SEC14L3: variants seen among roughly 807,000 people sequenced by gnomAD.
SEC14L3 encodes the protein SEC14 like lipid binding 3, also known as SEC14-like protein 3.
SEC14L3 carries 56 observed loss-of-function variants against 57.4 expected under a neutral mutation model. The ratio of observed to expected loss-of-function variants is 0.97; its 90% confidence interval spans 0.79 to 1.22. The LOEUF is 1.22. Ranked by LOEUF, SEC14L3 falls within the 50% of genes most tolerant of loss-of-function variation. SEC14L3 has a pLI of 0.00. For missense variants in SEC14L3, 485 were observed against 511.7 expected (o/e 0.95, Z 0.50); for synonymous variants, 173 against 194.4 (o/e 0.89, Z 0.92).
intron 2 of SEC14L3, 91 bp downstream of exon 2, chr22:30,470,416 G>A: frequency 6.2e-7 from 1 of 1,604,080 alleles, no homozygotes; most frequent in South Asian, 1.1e-5. Flanking sequence ...TGTGTGGATG[G>A]ACCCTGAGAG....
downstream of SEC14L3, among the ~76,000 whole-genome samples, chr22:30,455,113 A>G (rs1935090312): frequency 2.1e-5 from 1 of 48,546 alleles, no homozygotes; most frequent in Non-Finnish European, 3.4e-5. Context: ...TTTAATATTT[A>G]ATATTTAATA....
Position 30,459,667 on chromosome 22 carries a change from C to T in SEC14L3, c.*354G>A. On this transcript the variant is annotated 3_prime_UTR_variant, in exon 12 of 12. Coordinates refer to ENST00000215812, the MANE Select transcript of SEC14L3 (RefSeq NM_174975.5). ...AAAAGGATTTAGATATGTCTCCAAC[C>T]CAAGTTGCTCACAGCCATACGGAAG... 1 of 1,016,356 alleles carries T rather than the reference C, an allele frequency of 9.8e-7. No homozygotes were observed. Among genetic ancestry groups the T allele is most frequent in the Non-Finnish European group, 1.2e-6 (1 of 847,658 alleles). 63.0% of individuals were successfully genotyped at this position (1,016,356 alleles called of 1,614,324 possible). A position where few individuals can be genotyped will look rare whatever the true frequency, so the allele number is the denominator to read the frequency against.
intron 4 of SEC14L3, among the ~76,000 whole-genome samples, chr22:30,469,792 A>AT (rs1935541435): frequency 6.6e-6 from 1 of 152,230 alleles, no homozygotes; most frequent in Non-Finnish European, 1.5e-5. Flanking sequence ...AATGGGGACA[A>AT]TAGCATCCAT....
intron 5 of SEC14L3, 84 bp from the exon 6 acceptor site, chr22:30,467,161 G>T: frequency 6.3e-7 from 1 of 1,584,732 alleles, no homozygotes; most frequent in Non-Finnish European, 8.6e-7. Flanking sequence ...ACCCCTTGGG[G>T]CTTCTTCTAG....
In SEC14L3 at chr22:30,459,464, C is replaced by G; in HGVS notation, c.*557G>C. The G allele has an allele frequency of 1.0e-6, 1 of 985,454 alleles. No individual in the cohort carries two copies. Among genetic ancestry groups the G allele is most frequent in the Non-Finnish European group, 1.2e-6 (1 of 829,998 alleles). The allele number at this position is 985,454 out of a possible 1,614,324, so 61.0% of individuals were successfully genotyped here. A position where few individuals can be genotyped will look rare whatever the true frequency, so the allele number is the denominator to read the frequency against. On this transcript the variant is annotated 3_prime_UTR_variant, in exon 12 of 12. Coordinates refer to ENST00000215812, the MANE Select transcript of SEC14L3 (RefSeq NM_174975.5). ...TCTGGAGACTGAATTGTCTGGGTCT[C>G]CAGAAGAGAGTCCAACCCCACCACA...
downstream of SEC14L3, among the ~76,000 whole-genome samples, chr22:30,458,469 C>A (rs1265182399): frequency 6.6e-6 from 1 of 152,216 alleles, no homozygotes; most frequent in Non-Finnish European, 1.5e-5. Context: ...ATGCAGGACA[C>A]TTCTACTGGA....
At chr22:30,469,395 C>T (rs1380471542) in intron 4 of SEC14L3, among the ~76,000 whole-genome samples, 1 of 152,164 alleles carries the variant, frequency 6.6e-6, no homozygotes, top group Non-Finnish European at 1.5e-5. Context: ...CTCCATTCTA[C>T]CTACTTTTTT....
At chr22:30,471,002 C>T (rs1351867688) in intron 1 of SEC14L3, among the ~76,000 whole-genome samples, 1 of 152,044 alleles carries the variant, frequency 6.6e-6, no homozygotes. Flanking sequence ...AAAGGATAAA[C>T]AGCCAGGTAT....
Position 30,471,973 on chromosome 22 carries a change from C to A in SEC14L3, c.-15G>T. 2 of 1,596,660 alleles carry A rather than the reference C, an allele frequency of 1.3e-6. No individual in the cohort carries two copies. Among genetic ancestry groups the A allele is most frequent in the South Asian group, 1.1e-5 (1 of 89,162 alleles). On this transcript the variant is annotated 5_prime_UTR_variant, in exon 1 of 12. Transcript: ENST00000215812. ...CGGCCGCTCATGGTGCTGGCTGGGG[C>A]TTGAGGAGTGGTGGCCACTATAGGC...
At chr22:30,470,452 G>A (rs1935568890) in intron 2 of SEC14L3, 55 bp downstream of exon 2, 1 of 1,612,106 alleles carries the variant, frequency 6.2e-7, no homozygotes, top group South Asian at 1.1e-5. Flanking sequence ...GAGCAGTTGA[G>A]ACCAGGCCCC....
chr22:30,465,405 G>T (rs955204656), intron 7 of SEC14L3, among the ~76,000 whole-genome samples: 3 of 151,736 alleles, frequency 2.0e-5, no homozygotes, highest in Non-Finnish European at 4.4e-5. Context: ...TAACCAGCCA[G>T]CCAACCATCC....
intron 9 of SEC14L3, 179 bp from the exon 10 acceptor site, chr22:30,461,873 C>T: frequency 2.0e-6 from 1 of 499,746 alleles, no homozygotes; most frequent in Non-Finnish European, 2.6e-6. Context: ...TGGGAGCTTC[C>T]CCTCCCAGCT....
downstream of SEC14L3, among the ~76,000 whole-genome samples, chr22:30,457,401 T>A (rs1266137431): frequency 1.7e-5 from 2 of 117,880 alleles, no homozygotes; most frequent in Non-Finnish European, 3.4e-5. Context: ...TTTTTTTTTT[T>A]AGATGGAGTC....
At chr22:30,461,191 C>A in intron 11 of SEC14L3, 119 bp downstream of exon 11, 1 of 1,256,498 alleles carries the variant, frequency 8.0e-7, no homozygotes, top group Admixed American at 2.3e-5. Context: ...ATGGTGCTAA[C>A]CTAGGCTGTG....
At chr22:30,461,138 A>T (rs1263138902) in intron 11 of SEC14L3, among the ~76,000 whole-genome samples, 172 bp downstream of exon 11, 1 of 152,214 alleles carries the variant, frequency 6.6e-6, no homozygotes, top group African/African-American at 2.4e-5. Context: ...GGTGCACAGT[A>T]GGTGCTCATG....
downstream of SEC14L3, among the ~76,000 whole-genome samples, chr22:30,456,781 C>G (rs1388069533): frequency 1.3e-5 from 2 of 152,182 alleles, no homozygotes; most frequent in Non-Finnish European, 1.5e-5. Flanking sequence ...CCTGGAGATT[C>G]AGGACTGGAG....
intron 7 of SEC14L3, among the ~76,000 whole-genome samples, chr22:30,466,073 G>A (rs898319231): frequency 1.3e-5 from 2 of 152,188 alleles, no homozygotes; most frequent in Non-Finnish European, 2.9e-5. Context: ...GTCTGGGGAG[G>A]GAGAGATCAT....
chr22:30,457,095 G>A (rs8142204), downstream of SEC14L3, among the ~76,000 whole-genome samples: 62,255 of 151,924 alleles, frequency 0.41, 14,526 homozygotes, highest in African/African-American at 0.62. Flanking sequence ...CTTCAACATC[G>A]AGGCCTTTCC....
downstream of SEC14L3, among the ~76,000 whole-genome samples, chr22:30,456,423 C>A (rs186193703): frequency 6.6e-6 from 1 of 151,966 alleles, no homozygotes; most frequent in Non-Finnish European, 1.5e-5. Context: ...AGCATGGTGC[C>A]GGCATCTGCT....
Sources: allele counts gnomAD v4.1 joint callset (sites outside exome capture counted in the v4.1 genomes callset), GRCh38; gene constraint gnomAD v4.1.1; transcripts MANE v1.5; gene names NCBI Gene and HGNC (gene_info 2026-07-23, HGNC 2026-07-21).